Variants in SLC9A6 observed in about 807,000 individuals in gnomAD.
SLC9A6 encodes sodium/hydrogen exchanger 6.
In SLC9A6, 6 loss-of-function variants were observed where a neutral mutation model predicts 45.3. The ratio of observed to expected loss-of-function variants is 0.13; its 90% CI spans 0.07 to 0.26. The LOEUF (loss-of-function observed/expected upper bound fraction) is 0.26, where lower values mean the gene tolerates loss of function less well. SLC9A6 is among the 10% of genes least tolerant of loss of function. The probability of loss-of-function intolerance (pLI) is 1.00; values close to 1 mark genes in which losing one functional copy is unlikely to be tolerated. For missense variants in SLC9A6, 278 were observed against 503.7 expected, an observed-to-expected ratio of 0.55 and a Z score of 4.29; for synonymous variants, 191 against 187.7, an observed-to-expected ratio of 1.02 and a Z score of -0.14.
At chrX:136,043,224 AGTTT>A (rs1451804909) in intron 17 of SLC9A6, among the ~76,000 whole-genome samples, 4 of 111,086 alleles carry the variant, frequency 3.6e-5, no homozygotes, top group Non-Finnish European at 7.5e-5. Flanking sequence ...GGTGGATATG[AGTTT>A]GTTTGTTTGT....
Position 136,033,684 on chromosome X carries a change from G to A in SLC9A6, c.1661+191G>A, listed in dbSNP as rs193136092. ...GATTCCTCTTCAAACCCATGAAACC[G>A]TAGGGACTGGTCATTTCAGAAGCTG... is the stretch of plus-strand genomic sequence containing the variant. On this transcript the variant is annotated intron_variant, in intron 16 of 17. Transcript: ENST00000630721. Among the ~76,000 whole-genome samples the A allele has an allele frequency of 4.4e-4, 48 of 109,641 alleles. 1 individual carries two copies. Among genetic ancestry groups the A allele is most frequent in the African/African-American group, 1.5e-3 (47 of 30,651 alleles).
In SLC9A6 at chrX:136,045,995, A is replaced by G. The variant is rs1266456302; in HGVS notation, c.*1271A>G. The stretch of plus-strand genomic sequence containing the variant: ...AGAGCACAGAACAATTTCTCATTTC[A>G]TATTTGGAGTATGAAAGTAGATTCT... On this transcript the variant is annotated 3_prime_UTR_variant, in exon 18 of 18. Transcript: ENST00000630721. 1 of 111,280 alleles carries G rather than the reference A, an allele frequency of 9.0e-6. No homozygotes were observed. The highest frequency in any genetic ancestry group is 9.6e-5 in the Admixed American group (1 of 10,422). The allele number at this position is 111,280 out of a possible 1,213,427, so 9.2% of individuals were successfully genotyped here.
chrX:136,028,321 A>G (rs782332377), intron 13 of SLC9A6, among the ~76,000 whole-genome samples: 1 of 112,037 alleles, frequency 8.9e-6, no homozygotes, highest in South Asian at 3.7e-4. Flanking sequence ...TCACACAGCT[A>G]GAAAGCAGCC....
chrX:136,035,095 G>A (rs1556621662), intron 16 of SLC9A6, among the ~76,000 whole-genome samples: 1 of 111,720 alleles, frequency 9.0e-6, no homozygotes, highest in Non-Finnish European at 1.9e-5. Flanking sequence ...ACTCAGTACT[G>A]CCCTATTAAG....
chrX:136,039,287 G>A (rs1230854283), intron 16 of SLC9A6, among the ~76,000 whole-genome samples: 4 of 105,396 alleles, frequency 3.8e-5, no homozygotes, highest in African/African-American at 7.0e-5. Flanking sequence ...GTGACAGAGC[G>A]ACACTGTCTC....
intron 16 of SLC9A6, among the ~76,000 whole-genome samples, chrX:136,033,943 C>G (rs1229353312): frequency 9.0e-6 from 1 of 111,525 alleles, no homozygotes; most frequent in Non-Finnish European, 1.9e-5. Context: ...CAGCAATACA[C>G]TTTTTTTTCC....
chrX:136,002,866 TTC>T (rs782066024), intron 7 of SLC9A6, among the ~76,000 whole-genome samples: 94 of 109,960 alleles, frequency 8.5e-4, no homozygotes, highest in African/African-American at 2.8e-3. Context: ...CCTTAATTTT[TTC>T]TGAATACATA....
At position 135,976,513 on chromosome X, in the gene SLC9A6, A is replaced by T. The variant is rs1236669689; in HGVS notation, c.-57+1730A>T. The stretch of plus-strand genomic sequence containing the variant: ...GCTACTCAGGAGGCTGAGGCAGGAG[A>T]ATCGCTTGAACCCAGGAGGCGGAGG... On this transcript the variant is annotated intron_variant, in intron 1 of 16. Transcript: ENST00000636092. Among the ~76,000 whole-genome samples, 30 of 109,476 alleles carry T rather than the reference A, an allele frequency of 2.7e-4. 1 individual carries two copies. Among genetic ancestry groups the T allele is most frequent in the African/African-American group, 9.7e-4 (29 of 29,909 alleles).
intron 12 of SLC9A6, among the ~76,000 whole-genome samples, chrX:136,024,062 T>C (rs6654156): frequency 2.7e-3 from 305 of 111,023 alleles, no homozygotes; most frequent in African/African-American, 9.7e-3. Flanking sequence ...GATTTTTGTA[T>C]TTTTAGTAGA....
intron 10 of SLC9A6, among the ~76,000 whole-genome samples, chrX:136,016,211 A>G (rs1022543569): frequency 9.0e-6 from 1 of 111,479 alleles, no homozygotes; most frequent in African/African-American, 3.3e-5. Flanking sequence ...TGAATCTTAT[A>G]GCTTGCAAGA....
At chrX:136,007,297 G>C (rs974174025) in intron 7 of SLC9A6, among the ~76,000 whole-genome samples, 13 of 110,032 alleles carry the variant, frequency 1.2e-4, no homozygotes, top group African/African-American at 3.6e-4. Context: ...ATGGGGGGGG[G>C]TTCCTATTGA....
chrX:136,024,257 T>G, intron 12 of SLC9A6, 73 bp from the exon 13 acceptor site: 2 of 1,100,937 alleles, frequency 1.8e-6, no homozygotes, highest in Non-Finnish European at 2.5e-6. Context: ...AGAACGTGCT[T>G]TCTTGCTCTG....
chrX:136,017,745 G>A (rs1196306785), intron 11 of SLC9A6, among the ~76,000 whole-genome samples: 1 of 111,901 alleles, frequency 8.9e-6, no homozygotes, highest in East Asian at 2.8e-4. Flanking sequence ...AAATTTAGCA[G>A]CTTAAAACAA....
chrX:135,990,208 G>A lies in SLC9A6; in HGVS notation c.169+4381G>A, dbSNP rs532467144. Among the ~76,000 whole-genome samples, 32 of 111,245 alleles carry A rather than the reference G, an allele frequency of 2.9e-4. 1 individual carries two copies. Among genetic ancestry groups the A allele is most frequent in the African/African-American group, 1.0e-3 (32 of 30,635 alleles). On this transcript the variant is annotated intron_variant, in intron 2 of 17. Coordinates refer to ENST00000630721, the MANE Select transcript of SLC9A6 (RefSeq NM_001379110.1). ...TCACTGTGTTAGCCAGGATGGTCTCGATCTCCTGACCTTGTGATCCACCCA... is the reference window on the plus strand; with the variant it reads ...TCACTGTGTTAGCCAGGATGGTCTCAATCTCCTGACCTTGTGATCCACCCA...
At chrX:135,974,038 G>T, upstream of SLC9A6, 1 of 445,854 alleles carries the variant, frequency 2.2e-6, no homozygotes, top group Non-Finnish European at 3.3e-6. Flanking sequence ...ACAGGGTGGG[G>T]CAGAGGGACG....
chrX:135,998,380 C>T lies in SLC9A6; in HGVS notation c.448-102C>T, dbSNP rs879978996. The T allele has an allele frequency of 4.1e-5, 25 of 603,069 alleles. 1 individual carries two copies. The South Asian group carries it at 6.5e-4, about 16-fold the overall frequency. The allele number at this position is 603,069 out of a possible 1,213,427, so 49.7% of individuals were successfully genotyped here. The stretch of plus-strand genomic sequence containing the variant: ...TATCCTAGTGAATAATGCATTTAAT[C>T]CTAGTGAATAATGCATTTCATATTA... On this transcript the variant is annotated intron_variant, in intron 4 of 17. Transcript: ENST00000630721.
chrX:136,044,085 C>T (rs1192067080), intron 17 of SLC9A6, among the ~76,000 whole-genome samples: 1 of 111,820 alleles, frequency 8.9e-6, no homozygotes, highest in African/African-American at 3.3e-5. Flanking sequence ...TAACCTAGTC[C>T]TAGAAGCTCA....
At chrX:135,982,412 G>A (rs1433738213), upstream of SLC9A6, among the ~76,000 whole-genome samples, 5 of 105,836 alleles carry the variant, frequency 4.7e-5, no homozygotes, top group Non-Finnish European at 9.7e-5. Flanking sequence ...TGGGGGGGGC[G>A]GTGATTGTTG....
At chrX:136,008,343 C>G (rs2070857968) in intron 7 of SLC9A6, among the ~76,000 whole-genome samples, 1 of 111,605 alleles carries the variant, frequency 9.0e-6, no homozygotes, top group Non-Finnish European at 1.9e-5. Flanking sequence ...TCATGAGGTT[C>G]ACCTGCCTTA....
Sources: gnomAD v4.1 joint callset for allele counts (sites outside exome capture counted in the v4.1 genomes callset) on GRCh38, gnomAD v4.1.1 for gene constraint, MANE v1.5 for transcripts, NCBI Gene and HGNC (gene_info 2026-07-23, HGNC 2026-07-21) for gene names.